PHYH: variants seen among roughly 807,000 people sequenced by gnomAD.
PHYH encodes the protein phytanoyl-CoA 2-hydroxylase.
PHYH carries 32 observed loss-of-function variants against 38.5 expected under a neutral mutation model. The ratio of observed to expected loss-of-function variants is 0.83; its 90% confidence interval spans 0.63 to 1.12. PHYH has a LOEUF of 1.12. Ranked by LOEUF, PHYH falls within the 50% of genes most tolerant of loss-of-function variation. PHYH has a pLI of 0.00. For synonymous variants in PHYH, 166 were observed against 157.9 expected (o/e 1.05, Z -0.38); for missense variants, 426 against 434.8 (o/e 0.98, Z 0.18).
At chr10:13,296,864 G>A (rs937742321) in intron 2 of PHYH, among the ~76,000 whole-genome samples, 7 of 150,962 alleles carry the variant, frequency 4.6e-5, no homozygotes, top group Admixed American at 6.6e-5. Flanking sequence ...TGAGGCAGGA[G>A]AATGGCGTGA....
At position 13,277,890 on chromosome 10, in the gene PHYH, TG is replaced by T; in HGVS notation, c.*410del. ...AATGTATTATACATTGTTCTAGATT[TG>T]GGGGAAAAAAATCTCTTATGACATA... On this transcript the variant is annotated 3_prime_UTR_variant, in exon 9 of 9. Coordinates refer to ENST00000263038, the MANE Select transcript of PHYH (RefSeq NM_006214.4). The T allele has an allele frequency of 6.7e-6, 2 of 297,636 alleles. No homozygotes were observed. The highest frequency in any genetic ancestry group is 1.8e-4 in the East Asian group (2 of 11,370). 18.4% of individuals were successfully genotyped at this position (297,636 alleles called of 1,614,324 possible). A position where few individuals can be genotyped will look rare whatever the true frequency, so the allele number is the denominator to read the frequency against.
Position 13,280,868 on chromosome 10 carries a change from T to C in PHYH, c.963+108A>G, listed in dbSNP as rs1588505827. On this transcript the variant is annotated intron_variant, in intron 8 of 8. Coordinates refer to ENST00000263038, the MANE Select transcript of PHYH (RefSeq NM_006214.4). Reference sequence around the variant, plus strand: ...CTCAGCGATGTCCCTAAAATGAATCTAAACCCAAGCACTATATACTGTCAA... The same window carrying C: ...CTCAGCGATGTCCCTAAAATGAATCCAAACCCAAGCACTATATACTGTCAA... 1.4e-5 allele frequency: 15 copies of C among 1,101,120 alleles called. No individual in the cohort carries two copies. The East Asian group carries it at 3.3e-4, about 24-fold the overall frequency. The allele number at this position is 1,101,120 out of a possible 1,614,324, so 68.2% of individuals were successfully genotyped here.
At chr10:13,283,650 C>G in intron 7 of PHYH, 40 bp downstream of exon 7, 7 of 1,603,798 alleles carry the variant, frequency 4.4e-6, no homozygotes, top group Non-Finnish European at 6.0e-6. Flanking sequence ...TTGTTTCTAA[C>G]CCACACTTCT....
chr10:13,288,277 T>C (rs1835603908), intron 6 of PHYH, 83 bp downstream of exon 6: 1 of 1,217,964 alleles, frequency 8.2e-7, no homozygotes, highest in African/African-American at 1.5e-5. Flanking sequence ...GCCATCTCAT[T>C]TGTAAACTCT....
At chr10:13,293,269 C>G (rs1835757078) in intron 4 of PHYH, among the ~76,000 whole-genome samples, 1 of 152,044 alleles carries the variant, frequency 6.6e-6, no homozygotes, top group South Asian at 2.1e-4. Context: ...ATTTCCCTAC[C>G]CTTAGTTAGC....
intron 5 of PHYH, among the ~76,000 whole-genome samples, chr10:13,291,282 C>T (rs1257390027): frequency 1.3e-5 from 2 of 152,060 alleles, no homozygotes; most frequent in Non-Finnish European, 2.9e-5. Context: ...GATATATGAA[C>T]AGTTATGTCG....
At chr10:13,295,278 A>C in intron 3 of PHYH, 1 of 529,350 alleles carries the variant, frequency 1.9e-6, no homozygotes, top group Non-Finnish European at 3.4e-6. Flanking sequence ...GCAGTAAGCT[A>C]TGATCGCACC....
intron 4 of PHYH, among the ~76,000 whole-genome samples, chr10:13,292,600 G>A (rs1251231101): frequency 1.3e-5 from 2 of 152,156 alleles, no homozygotes; most frequent in African/African-American, 2.4e-5. Flanking sequence ...GCTACCTTGT[G>A]TACAGAACCC....
chr10:13,279,382 T>G (rs1044761996), intron 8 of PHYH, among the ~76,000 whole-genome samples: 1 of 152,226 alleles, frequency 6.6e-6, no homozygotes, highest in Non-Finnish European at 1.5e-5. Flanking sequence ...TATCAAGGAT[T>G]ACTGCTTTGT....
intron 5 of PHYH, among the ~76,000 whole-genome samples, chr10:13,290,114 CCAAAA>C (rs1835669150): frequency 6.3e-5 from 1 of 15,916 alleles, no homozygotes; most frequent in African/African-American, 2.4e-4. Flanking sequence ...ACTAAAAATA[CCAAAA>C]AAAAAAAAAA....
intron 4 of PHYH, 51 bp downstream of exon 4, chr10:13,294,377 A>T (rs758226255): frequency 6.4e-7 from 1 of 1,568,820 alleles, no homozygotes; most frequent in South Asian, 1.1e-5. Context: ...TTTTACAGGC[A>T]GACATACACA....
At chr10:13,278,809 G>T (rs1835350684) in intron 8 of PHYH, among the ~76,000 whole-genome samples, 1 of 152,160 alleles carries the variant, frequency 6.6e-6, no homozygotes, top group Admixed American at 6.6e-5. Context: ...CAAGTGCTGG[G>T]ATTACAGGTA....
intron 6 of PHYH, among the ~76,000 whole-genome samples, chr10:13,288,110 T>C (rs563490664): frequency 1.3e-5 from 2 of 151,930 alleles, no homozygotes; most frequent in South Asian, 4.2e-4. Flanking sequence ...AACCTGGGAG[T>C]TGGAGGTTGC....
intron 1 of PHYH, 25 bp downstream of exon 1, chr10:13,299,943 G>C (rs1160216084): frequency 6.6e-7 from 1 of 1,511,006 alleles, no homozygotes; most frequent in Admixed American, 2.0e-5. Context: ...GATCCAGCCC[G>C]AGCCCCGCGC....
chr10:13,296,764 G>C (rs1301371222), intron 2 of PHYH, among the ~76,000 whole-genome samples: 1 of 148,630 alleles, frequency 6.7e-6, no homozygotes, highest in South Asian at 2.1e-4. Context: ...GGACCATCCT[G>C]GCTAACACGG....
At chr10:13,284,996 G>A (rs1835512482) in intron 6 of PHYH, among the ~76,000 whole-genome samples, 2 of 152,140 alleles carry the variant, frequency 1.3e-5, no homozygotes, top group Admixed American at 1.3e-4. Flanking sequence ...ACACGCTCTG[G>A]AAGCCCTGCA....
intron 6 of PHYH, among the ~76,000 whole-genome samples, chr10:13,284,060 T>C (rs553570897): frequency 1.3e-5 from 2 of 152,326 alleles, no homozygotes; most frequent in South Asian, 4.1e-4. Flanking sequence ...TGGTGGTTCA[T>C]GCCTGTAATC....
At chr10:13,280,186 C>A (rs1311497283) in intron 8 of PHYH, among the ~76,000 whole-genome samples, 2 of 152,308 alleles carry the variant, frequency 1.3e-5, no homozygotes, top group East Asian at 3.9e-4. Context: ...CCAGGAAGGT[C>A]TCGATCTCCT....
intron 4 of PHYH, 71 bp downstream of exon 4, chr10:13,294,357 A>T: frequency 6.8e-7 from 1 of 1,479,298 alleles, no homozygotes; most frequent in Non-Finnish European, 9.4e-7. Flanking sequence ...CGCCCGGCCA[A>T]ATCAGCGGGT....
Sources: allele counts gnomAD v4.1 joint callset (sites outside exome capture counted in the v4.1 genomes callset), GRCh38; gene constraint gnomAD v4.1.1; transcripts MANE v1.5; gene names NCBI Gene and HGNC (gene_info 2026-07-23, HGNC 2026-07-21).